Variants in FHIT observed in about 807,000 individuals in gnomAD.
FHIT encodes the protein bis(5'-adenosyl)-triphosphatase.
FHIT carries 19 observed loss-of-function variants against 17.9 expected under a neutral mutation model. The observed-to-expected ratio is 1.06, with a 90% confidence interval of 0.74 to 1.56. The LOEUF is 1.56. Among genes scored for constraint, FHIT ranks in the 40% most tolerant of loss-of-function variants. The probability of loss-of-function intolerance (pLI) is 0.00; values close to 1 mark genes in which losing one functional copy is unlikely to be tolerated. For missense variants in FHIT, 248 were observed against 189.2 expected (o/e 1.31, Z -1.82); for synonymous variants, 81 against 69.7 (o/e 1.16, Z -0.81).
chr3:60,130,615 T>A (rs1178031996), intron 5 of FHIT, among the ~76,000 whole-genome samples: 1 of 147,180 alleles, frequency 6.8e-6, no homozygotes, highest in Non-Finnish European at 1.5e-5. Context: ...GACCTATAAA[T>A]AATGAAATCA....
At chr3:60,601,434 G>A (rs1384400079) in intron 4 of FHIT, among the ~76,000 whole-genome samples, 2 of 152,164 alleles carry the variant, frequency 1.3e-5, no homozygotes, top group African/African-American at 2.4e-5. Flanking sequence ...CTGAAAATCA[G>A]TCATCTTTAG....
chr3:60,030,682 T>C (rs917603494), intron 5 of FHIT, among the ~76,000 whole-genome samples: 2 of 152,138 alleles, frequency 1.3e-5, no homozygotes, highest in Non-Finnish European at 2.9e-5. Flanking sequence ...ATACTGCCCA[T>C]AGAGCACTTG....
intron 5 of FHIT, among the ~76,000 whole-genome samples, chr3:60,372,057 T>A (rs1404100434): frequency 6.6e-6 from 1 of 152,208 alleles, no homozygotes; most frequent in Admixed American, 6.5e-5. Context: ...TTTCATTACA[T>A]ACATCACTGC....
At chr3:60,316,703 A>G (rs1709180419) in intron 5 of FHIT, among the ~76,000 whole-genome samples, 1 of 152,246 alleles carries the variant, frequency 6.6e-6, no homozygotes, top group South Asian at 2.1e-4. Context: ...AGTCTTTTTC[A>G]AAACTGTTCT....
intron 5 of FHIT, among the ~76,000 whole-genome samples, chr3:60,275,908 A>C (rs1205580950): frequency 6.6e-6 from 1 of 152,222 alleles, no homozygotes; most frequent in African/African-American, 2.4e-5. Flanking sequence ...CTACAAATTA[A>C]AGAACATCCA....
At chr3:60,081,171 T>A (rs910101303) in intron 5 of FHIT, among the ~76,000 whole-genome samples, 3 of 152,076 alleles carry the variant, frequency 2.0e-5, no homozygotes, top group African/African-American at 7.2e-5. Context: ...CCTGAGGGGG[T>A]TATTTAAAAT....
At chr3:60,493,274 C>T (rs149075083) in intron 5 of FHIT, among the ~76,000 whole-genome samples, 27 of 152,272 alleles carry the variant, frequency 1.8e-4, no homozygotes, top group South Asian at 1.0e-3. Flanking sequence ...TTCAACAATG[C>T]TTAAATCTGT....
At chr3:61,120,998 A>T (rs1359104674) in intron 2 of FHIT, among the ~76,000 whole-genome samples, 1 of 151,804 alleles carries the variant, frequency 6.6e-6, no homozygotes, top group Non-Finnish European at 1.5e-5. Context: ...GGTATCAGAG[A>T]TTGAAGATCA....
Position 61,228,858 on chromosome 3 carries a change from C to T in FHIT, c.-213+22443G>A, listed in dbSNP as rs147108538. 5.0e-3 allele frequency among the ~76,000 whole-genome samples: 762 copies of T among 152,258 alleles called. 9 individuals carry two copies. Among genetic ancestry groups the T allele is most frequent in the African/African-American group, 0.018 (731 of 41,530 alleles). On this transcript the variant is annotated intron_variant, in intron 1 of 9. Transcript: ENST00000492590. ...TTCATACATTCGATGGGTCATTCAT[C>T]AATAAGGCCATTCCGTTTTACTGAG...
chr3:60,638,379 A>C (rs143407979), intron 4 of FHIT, among the ~76,000 whole-genome samples: 6 of 152,214 alleles, frequency 3.9e-5, no homozygotes, highest in African/African-American at 1.4e-4. Flanking sequence ...CTTAAAGCTT[A>C]ATTGGAAACT....
intron 2 of FHIT, among the ~76,000 whole-genome samples, chr3:61,104,699 G>T (rs1273544299): frequency 3.9e-5 from 6 of 152,120 alleles, no homozygotes; most frequent in African/African-American, 1.4e-4. Context: ...CTCTTTCAGA[G>T]ATACCAAAGA....
chr3:59,958,666 A>G (rs909343915), intron 7 of FHIT, among the ~76,000 whole-genome samples: 1 of 152,208 alleles, frequency 6.6e-6, no homozygotes, highest in Non-Finnish European at 1.5e-5. Context: ...TTGGTGAAAT[A>G]ATGATGTTGG....
intron 5 of FHIT, among the ~76,000 whole-genome samples, chr3:60,122,380 G>T (rs913975550): frequency 1.3e-5 from 2 of 152,084 alleles, no homozygotes; most frequent in African/African-American, 4.8e-5. Context: ...GAACATTTGA[G>T]TTCATGAAAT....
intron 2 of FHIT, among the ~76,000 whole-genome samples, chr3:61,187,970 G>T (rs1214013678): frequency 6.6e-6 from 1 of 152,134 alleles, no homozygotes; most frequent in East Asian, 1.9e-4. Context: ...ATGCCCATAA[G>T]ACAAAGCAGA....
At chr3:60,359,549 G>C (rs1435883468) in intron 5 of FHIT, among the ~76,000 whole-genome samples, 1 of 152,044 alleles carries the variant, frequency 6.6e-6, no homozygotes, top group Non-Finnish European at 1.5e-5. Flanking sequence ...AAAGTGCTGG[G>C]ATTACAGGCG....
chr3:60,647,305 CAG>C (rs1178987512), intron 4 of FHIT, among the ~76,000 whole-genome samples: 1 of 152,148 alleles, frequency 6.6e-6, no homozygotes, highest in Non-Finnish European at 1.5e-5. Flanking sequence ...AAAAGTAACA[CAG>C]AAAGTCATAA....
chr3:59,934,487 T>C (rs1350021771), intron 7 of FHIT, among the ~76,000 whole-genome samples: 3 of 152,160 alleles, frequency 2.0e-5, no homozygotes, highest in African/African-American at 4.8e-5. Context: ...TTCTGTATTA[T>C]CTTTTGGCTT....
At position 59,970,360 on chromosome 3, in the gene FHIT, A is replaced by T. The variant is rs184273985; in HGVS notation, c.279+41011T>A. ...CATAATGAATCGTAAAGAGGCACCA[A>T]TGCTCATCCCAACAGATGTTTATTG... On this transcript the variant is annotated intron_variant, in intron 7 of 9. Coordinates refer to ENST00000492590, the MANE Select transcript of FHIT (RefSeq NM_002012.4). Among the ~76,000 whole-genome samples, 856 of 152,242 alleles carry T rather than the reference A, an allele frequency of 5.6e-3. 2 individuals carry two copies. The highest frequency in any genetic ancestry group is 0.01 in the Middle Eastern group (3 of 294).
intron 3 of FHIT, among the ~76,000 whole-genome samples, chr3:61,039,507 A>G (rs779593862): frequency 2.2e-4 from 33 of 152,292 alleles, no homozygotes; most frequent in Non-Finnish European, 3.7e-4. Flanking sequence ...TATACACCAT[A>G]GAATACTACA....
Sources: allele counts gnomAD v4.1 joint callset (sites outside exome capture counted in the v4.1 genomes callset), GRCh38; gene constraint gnomAD v4.1.1; transcripts MANE v1.5; gene names NCBI Gene and HGNC (gene_info 2026-07-23, HGNC 2026-07-21).